The following CCDC148 variants were observed in gnomAD, a reference collection of about 807,000 sequenced individuals.
The protein encoded by CCDC148 is coiled-coil domain containing 148.
A neutral mutation model predicts 85.7 loss-of-function variants in CCDC148; 89 were observed. That is an observed-to-expected ratio of 1.04 (90% CI 0.87 to 1.24). The LOEUF (loss-of-function observed/expected upper bound fraction) is 1.24. Among genes scored for constraint, CCDC148 ranks in the 50% most tolerant of loss-of-function variants. The pLI is 0.00. For missense variants in CCDC148, 692 were observed against 671.7 expected, an observed-to-expected ratio of 1.03 and a Z score of -0.33; for synonymous variants, 230 against 213.9, an observed-to-expected ratio of 1.08 and a Z score of -0.66.
intron 1 of CCDC148, among the ~76,000 whole-genome samples, chr2:158,444,955 G>A (rs1026846048): frequency 1.3e-5 from 2 of 151,958 alleles, no homozygotes; most frequent in African/African-American, 2.4e-5. Context: ...GAAATAAGGA[G>A]TTCTTTCCTG....
intron 9 of CCDC148, among the ~76,000 whole-genome samples, chr2:158,305,716 C>T (rs1028332636): frequency 2.1e-5 from 3 of 145,670 alleles, no homozygotes; most frequent in Non-Finnish European, 4.5e-5. Context: ...ATTGCATCAC[C>T]ACATTCCAGC....
intron 1 of CCDC148, among the ~76,000 whole-genome samples, chr2:158,455,772 ATATC>A (rs1382217235): frequency 6.6e-6 from 1 of 152,230 alleles, no homozygotes; most frequent in Non-Finnish European, 1.5e-5. Context: ...TAAGAAGGTG[ATATC>A]TAAACATAAA....
At chr2:158,292,549 G>C (rs1690944020) in intron 9 of CCDC148, among the ~76,000 whole-genome samples, 2 of 152,130 alleles carry the variant, frequency 1.3e-5, no homozygotes, top group Non-Finnish European at 2.9e-5. Context: ...GTGCCATCCG[G>C]AGCTAAGAGC....
At chr2:158,273,705 T>C (rs563314304) in intron 9 of CCDC148, among the ~76,000 whole-genome samples, 33 of 152,296 alleles carry the variant, frequency 2.2e-4, no homozygotes, top group Admixed American at 5.2e-4. Context: ...AAATGAATCA[T>C]GCTTATTACT....
chr2:158,269,482 A>C (rs1022268487), intron 9 of CCDC148, among the ~76,000 whole-genome samples: 1 of 152,100 alleles, frequency 6.6e-6, no homozygotes, highest in African/African-American at 2.4e-5. Flanking sequence ...CCCCCATGTA[A>C]AGTGTTTGCA....
chr2:158,359,593 CT>C (rs1683837209), intron 1 of CCDC148, among the ~76,000 whole-genome samples: 1 of 152,140 alleles, frequency 6.6e-6, no homozygotes, highest in Admixed American at 6.5e-5. Flanking sequence ...GGGAAACTCC[CT>C]CCCCTAGCCA....
chr2:158,413,104 T>C (rs1380834240), intron 1 of CCDC148, among the ~76,000 whole-genome samples: 1 of 152,144 alleles, frequency 6.6e-6, no homozygotes, highest in Non-Finnish European at 1.5e-5. Flanking sequence ...TTACAGAAAG[T>C]ATTTGTAGAA....
At chr2:158,277,533 C>T (rs1020909338) in intron 9 of CCDC148, among the ~76,000 whole-genome samples, 5 of 152,194 alleles carry the variant, frequency 3.3e-5, no homozygotes, top group African/African-American at 9.6e-5. Context: ...CCAGGAACTA[C>T]ACCATGTCAT....
At chr2:158,198,623 T>C (rs1160098369) in intron 11 of CCDC148, among the ~76,000 whole-genome samples, 2 of 152,204 alleles carry the variant, frequency 1.3e-5, no homozygotes, top group Non-Finnish European at 1.5e-5. Context: ...TTGGACTTTT[T>C]GGCTGATATC....
intron 9 of CCDC148, among the ~76,000 whole-genome samples, chr2:158,266,586 G>C (rs1415672788): frequency 6.6e-6 from 1 of 152,084 alleles, no homozygotes; most frequent in Non-Finnish European, 1.5e-5. Context: ...GCAGTATACA[G>C]TGAACCCAAT....
chr2:158,294,106 CT>C (rs1468744434), intron 9 of CCDC148, among the ~76,000 whole-genome samples: 3 of 149,008 alleles, frequency 2.0e-5, no homozygotes, highest in Non-Finnish European at 4.5e-5. Flanking sequence ...GCCAAGTCCT[CT>C]GCAAAGACTG....
At chr2:158,304,061 T>C (rs916795748) in intron 9 of CCDC148, among the ~76,000 whole-genome samples, 6 of 152,126 alleles carry the variant, frequency 3.9e-5, no homozygotes, top group Non-Finnish European at 7.4e-5. Flanking sequence ...CTCAGCAGAA[T>C]GCATGGCTCA....
chr2:158,386,448 A>G (rs1189989247), intron 1 of CCDC148, among the ~76,000 whole-genome samples: 2 of 152,154 alleles, frequency 1.3e-5, no homozygotes, highest in African/African-American at 4.8e-5. Context: ...CGGTACATGA[A>G]GGCAAATTAA....
At chr2:158,370,483 G>A (rs776905621) in intron 1 of CCDC148, among the ~76,000 whole-genome samples, 42 of 151,794 alleles carry the variant, frequency 2.8e-4, no homozygotes, top group Non-Finnish European at 4.3e-4. Flanking sequence ...CTACTGACTA[G>A]GTATGTGATC....
At chr2:158,422,578 G>A (rs1158112772) in intron 1 of CCDC148, among the ~76,000 whole-genome samples, 6 of 152,028 alleles carry the variant, frequency 3.9e-5, no homozygotes, top group East Asian at 3.9e-4. Flanking sequence ...TTGATGGGAC[G>A]TATCTCAAAA....
In CCDC148 at chr2:158,373,619, A is replaced by G. The variant is rs183263601; in HGVS notation, c.26-15049T>C. Among the ~76,000 whole-genome samples, 906 of 151,892 alleles carry G rather than the reference A, an allele frequency of 6.0e-3. 5 individuals carry two copies. Among genetic ancestry groups the G allele is most frequent in the Middle Eastern group, 0.02 (6 of 294 alleles). On this transcript the variant is annotated intron_variant, in intron 1 of 13. Transcript: ENST00000283233. ...ACTATTACACTTTGTGTTTGCTCCT[A>G]CTGTTTCTCTAATTTATTTATGAGC... is the stretch of plus-strand genomic sequence containing the variant.
At chr2:158,227,430 T>A (rs897031261) in intron 10 of CCDC148, among the ~76,000 whole-genome samples, 2 of 152,266 alleles carry the variant, frequency 1.3e-5, no homozygotes, top group African/African-American at 4.8e-5. Context: ...TACCAATGAC[T>A]TTCTTCACAG....
intron 11 of CCDC148, among the ~76,000 whole-genome samples, chr2:158,218,160 G>A (rs541791631): frequency 6.6e-6 from 1 of 152,182 alleles, no homozygotes; most frequent in East Asian, 1.9e-4. Flanking sequence ...ATAAGCACTG[G>A]ACTCATAATT....
At chr2:158,422,435 C>T (rs910941320) in intron 1 of CCDC148, among the ~76,000 whole-genome samples, 3 of 152,114 alleles carry the variant, frequency 2.0e-5, no homozygotes, top group African/African-American at 7.2e-5. Flanking sequence ...TCAACATATG[C>T]CAATCAATAA....
Sources: gnomAD v4.1 joint callset for allele counts (sites outside exome capture counted in the v4.1 genomes callset) on GRCh38, gnomAD v4.1.1 for gene constraint, MANE v1.5 for transcripts, NCBI Gene and HGNC (gene_info 2026-07-23, HGNC 2026-07-21) for gene names.